DEFB123: variants seen among roughly 807,000 people sequenced by gnomAD.
The protein encoded by DEFB123 is beta-defensin 123.
For synonymous variants in DEFB123, 22 were observed against 28.3 expected (o/e 0.78, Z 0.71); for missense variants, 71 against 75.0 (o/e 0.95, Z 0.20).
intron 1 of DEFB123, among the ~76,000 whole-genome samples, chr20:31,443,080 A>C (rs746616365): frequency 1.7e-4 from 26 of 151,068 alleles, no homozygotes; most frequent in Non-Finnish European, 3.7e-4. Flanking sequence ...CTGGACCCTT[A>C]CTGACTTCTG....
Position 31,440,747 on chromosome 20 carries a change from C to T in DEFB123, c.49C>T (p.Leu17=), listed in dbSNP as rs1249932543. Reference sequence around the variant, plus strand: ...GACTGTGCTGCTGCTCTTATCCCAGCTGACTCCAGGTAACCTGAACCTCCT... The same window carrying T: ...GACTGTGCTGCTGCTCTTATCCCAGTTGACTCCAGGTAACCTGAACCTCCT... ...TLTVLLLLSQ[L]TPGGTQRCWN... is the part of the protein sequence containing the mutation. Residue 17 remains leucine, a synonymous_variant, in exon 1 of 2, where the codon CTG becomes TTG. Transcript: ENST00000376309. 2 of 1,613,586 alleles carry T rather than the reference C, an allele frequency of 1.2e-6. No individual in the cohort carries two copies. The highest frequency in any genetic ancestry group is 1.7e-6 in the Non-Finnish European group (2 of 1,180,034).
chr20:31,447,389 C>T lies in DEFB123; in HGVS notation c.59-2640C>T, dbSNP rs193223665. ...TTTATGTAGACATCCAGATTTCCCT[C>T]TGGTACCATTTTCTTCTGCCTGAAT... On this transcript the variant is annotated intron_variant, in intron 1 of 1. Transcript: ENST00000376309. 1.2e-3 allele frequency among the ~76,000 whole-genome samples: 176 copies of T among 152,290 alleles called. 3 individuals are homozygous for T. In the South Asian group the frequency reaches 0.013, roughly 11 times the overall value.
intron 1 of DEFB123, among the ~76,000 whole-genome samples, chr20:31,444,689 T>G (rs976001698): frequency 3.9e-5 from 6 of 152,256 alleles, no homozygotes; most frequent in African/African-American, 1.4e-4. Flanking sequence ...CTTATCTTTT[T>G]GTAAACTAAA....
intron 1 of DEFB123, among the ~76,000 whole-genome samples, chr20:31,446,946 CAA>C (rs61153733): frequency 8.4e-6 from 1 of 119,690 alleles, no homozygotes; most frequent in Non-Finnish European, 1.8e-5. Flanking sequence ...GACTCCATCT[CAA>C]AAAAAAAAAA....
At chr20:31,448,914 G>A (rs1210380168) in intron 1 of DEFB123, among the ~76,000 whole-genome samples, 2 of 141,294 alleles carry the variant, frequency 1.4e-5, no homozygotes, top group African/African-American at 2.7e-5. Flanking sequence ...TTTTAGTAGA[G>A]ATGGGGTTTC....
intron 1 of DEFB123, among the ~76,000 whole-genome samples, chr20:31,444,599 A>G (rs1979540948): frequency 6.6e-6 from 1 of 152,194 alleles, no homozygotes; most frequent in Admixed American, 6.5e-5. Flanking sequence ...TATGAGTGTC[A>G]TTCCTTTCAC....
At chr20:31,449,909 A>C (rs1306469044) in intron 1 of DEFB123, 120 bp from the exon 2 acceptor site, 2 of 1,290,988 alleles carry the variant, frequency 1.5e-6, no homozygotes, top group East Asian at 5.3e-5. Context: ...GAAAAGAGTC[A>C]AAGGCAAGGG....
chr20:31,446,898 G>C (rs1255511116), intron 1 of DEFB123, among the ~76,000 whole-genome samples: 1 of 149,232 alleles, frequency 6.7e-6, no homozygotes, highest in Non-Finnish European at 1.5e-5. Context: ...AGTGAGCCGA[G>C]ATCACGCCAC....
chr20:31,449,599 G>C (rs1979683737), intron 1 of DEFB123, among the ~76,000 whole-genome samples: 1 of 151,802 alleles, frequency 6.6e-6, no homozygotes, highest in Non-Finnish European at 1.5e-5. Flanking sequence ...TGCACAGAAA[G>C]GCACTTAAAG....
chr20:31,449,308 A>G (rs2122420650), intron 1 of DEFB123, among the ~76,000 whole-genome samples: 1 of 152,068 alleles, frequency 6.6e-6, no homozygotes, highest in Middle Eastern at 3.4e-3. Context: ...CATGCAGCTA[A>G]GTTAGTGGGA....
At chr20:31,440,934 G>T (rs1198980350) in intron 1 of DEFB123, among the ~76,000 whole-genome samples, 178 bp downstream of exon 1, 1 of 152,188 alleles carries the variant, frequency 6.6e-6, no homozygotes, top group Non-Finnish European at 1.5e-5. Context: ...ATCCAGAGCT[G>T]CTCTCTCAGC....
chr20:31,444,986 A>T (rs931886459), intron 1 of DEFB123, among the ~76,000 whole-genome samples: 1 of 152,226 alleles, frequency 6.6e-6, no homozygotes, highest in Non-Finnish European at 1.5e-5. Flanking sequence ...ATCTCTTTAG[A>T]TTCCTTGAAT....
Position 31,450,227 on chromosome 20 carries a change from CCA to C in DEFB123, c.*57_*58del. On this transcript the variant is annotated 3_prime_UTR_variant, in exon 2 of 2. Coordinates refer to ENST00000376309, the MANE Select transcript of DEFB123 (RefSeq NM_153324.4). ...TGCAGATGAAGCTCCCAGTGGATTC[CCA>C]CACTCTATCAATAAACACCTCTGGC... 6.4e-7 allele frequency: 1 copy of C among 1,552,746 alleles called. No individual in the cohort carries two copies. Among genetic ancestry groups the C allele is most frequent in the East Asian group, 2.3e-5 (1 of 42,706 alleles).
intron 1 of DEFB123, among the ~76,000 whole-genome samples, chr20:31,444,449 A>G (rs1979535746): frequency 6.6e-6 from 1 of 152,122 alleles, no homozygotes; most frequent in Non-Finnish European, 1.5e-5. Flanking sequence ...TTTTATCTCC[A>G]GTGTATAGGC....
intron 1 of DEFB123, among the ~76,000 whole-genome samples, chr20:31,445,863 TA>T (rs1324435123): frequency 6.6e-6 from 1 of 152,242 alleles, no homozygotes; most frequent in Non-Finnish European, 1.5e-5. Context: ...TTTGTATCAT[TA>T]AAAATGCATG....
chr20:31,441,860 A>G (rs1363209204), intron 1 of DEFB123, among the ~76,000 whole-genome samples: 1 of 152,224 alleles, frequency 6.6e-6, no homozygotes, highest in Non-Finnish European at 1.5e-5. Flanking sequence ...GTGAGCCCCA[A>G]CAAGAAGCTC....
intron 1 of DEFB123, among the ~76,000 whole-genome samples, chr20:31,442,386 TG>T (rs1979483597): frequency 6.6e-6 from 1 of 152,214 alleles, no homozygotes; most frequent in African/African-American, 2.4e-5. Context: ...ATGGATTTCT[TG>T]TTCCAAGCAC....
chr20:31,447,489 C>CTT (rs112043017), intron 1 of DEFB123, among the ~76,000 whole-genome samples: 53,411 of 151,712 alleles, frequency 0.35, 10,994 homozygotes, highest in African/African-American at 0.55. Flanking sequence ...ATGAAAAAGT[C>CTT]TATTTCTCCA....
chr20:31,442,043 C>CT (rs1979476198), intron 1 of DEFB123, among the ~76,000 whole-genome samples: 3 of 152,260 alleles, frequency 2.0e-5, no homozygotes, highest in East Asian at 3.9e-4. Context: ...TCCATCCTGA[C>CT]TGTGGGAGTT....
Sources: gnomAD v4.1 joint callset for allele counts (sites outside exome capture counted in the v4.1 genomes callset) on GRCh38, gnomAD v4.1.1 for gene constraint, MANE v1.5 for transcripts, NCBI Gene and HGNC (gene_info 2026-07-23, HGNC 2026-07-21) for gene names.